The following SNTB2 variants were observed in gnomAD, a reference collection of about 807,000 sequenced individuals.
SNTB2 encodes syntrophin beta 2, also known as beta-2-syntrophin.
A neutral mutation model predicts 46.2 loss-of-function variants in SNTB2; 34 were observed. The observed-to-expected ratio is 0.74, with a 90% confidence interval of 0.56 to 0.98. The LOEUF is 0.98. Ranked by LOEUF, SNTB2 falls within the 50% of genes least tolerant of loss-of-function variation. SNTB2 has a pLI of 0.00. For missense variants in SNTB2, 603 were observed against 731.4 expected (o/e 0.82, Z 2.02); for synonymous variants, 290 against 312.6 (o/e 0.93, Z 0.76).
At position 69,305,105 on chromosome 16, in the gene SNTB2, A is replaced by G. The variant is rs1258874625; in HGVS notation, c.*4181A>G. On this transcript the variant is annotated 3_prime_UTR_variant, in exon 7 of 7. Transcript: ENST00000336278. The stretch of plus-strand genomic sequence containing the variant: ...AAGGTTATAATAGATTCTTTTTTTT[A>G]ATTTTGTGAGAAATTCCAGGTCTTC... The G allele has an allele frequency of 1.3e-5, 2 of 152,142 alleles. No homozygotes were observed. The highest frequency in any genetic ancestry group is 4.8e-5 in the African/African-American group (2 of 41,390). 9.4% of individuals were successfully genotyped at this position (152,142 alleles called of 1,614,324 possible).
intron 2 of SNTB2, among the ~76,000 whole-genome samples, chr16:69,253,362 T>C (rs1213780290): frequency 6.6e-6 from 1 of 151,920 alleles, no homozygotes; most frequent in Non-Finnish European, 1.5e-5. Context: ...AAAAAACTGG[T>C]TAACTGGCCG....
At chr16:69,209,652 T>A (rs1964259154) in intron 1 of SNTB2, among the ~76,000 whole-genome samples, 1 of 152,268 alleles carries the variant, frequency 6.6e-6, no homozygotes, top group Non-Finnish European at 1.5e-5. Context: ...CAGTAGCTCA[T>A]ATTTTAGTAG....
intron 1 of SNTB2, among the ~76,000 whole-genome samples, chr16:69,197,062 A>C (rs2095193432): frequency 2.0e-5 from 3 of 152,070 alleles, no homozygotes; most frequent in Admixed American, 1.3e-4. Context: ...GTAATTAATC[A>C]ACTCATATTG....
chr16:69,219,738 G>T (rs1412942014), intron 1 of SNTB2, among the ~76,000 whole-genome samples: 1 of 151,584 alleles, frequency 6.6e-6, no homozygotes, highest in Non-Finnish European at 1.5e-5. Flanking sequence ...GTTTTGTTTT[G>T]TTTTGTTTTG....
chr16:69,293,583 G>T (rs1965195046), intron 5 of SNTB2, among the ~76,000 whole-genome samples: 1 of 152,164 alleles, frequency 6.6e-6, no homozygotes, highest in Admixed American at 6.5e-5. Flanking sequence ...GCTCTTTCAA[G>T]AAGTTTTGAT....
intron 1 of SNTB2, among the ~76,000 whole-genome samples, chr16:69,205,316 ATTTTTT>A (rs34575541): frequency 6.9e-5 from 9 of 131,006 alleles, no homozygotes; most frequent in Admixed American, 1.6e-4. Context: ...CGCTTGGCAA[ATTTTTT>A]TTTTTTTTTT....
chr16:69,273,184 A>G (rs1488699331), intron 4 of SNTB2, among the ~76,000 whole-genome samples: 1 of 152,244 alleles, frequency 6.6e-6, no homozygotes. Flanking sequence ...GCAGTTTCTC[A>G]AAAGCTAAAC....
At chr16:69,270,645 C>T (rs1186674299) in intron 4 of SNTB2, among the ~76,000 whole-genome samples, 4 of 152,148 alleles carry the variant, frequency 2.6e-5, no homozygotes, top group East Asian at 1.9e-4. Context: ...GACTGAGTGA[C>T]GAAATCATTT....
In SNTB2 at chr16:69,260,223, G is replaced by T. The variant is rs1168219811; in HGVS notation, c.968G>T (p.Ser323Ile). 8.7e-6 allele frequency: 14 copies of T among 1,614,202 alleles called. No homozygotes were observed. Among genetic ancestry groups the T allele is most frequent in the Non-Finnish European group, 1.1e-5 (13 of 1,180,038 alleles). Residue 323 changes from serine (S) to isoleucine (I), a missense_variant, in exon 3 of 7, where the codon AGT (serine) becomes ATT (isoleucine). By Grantham distance (142) the Ser-to-Ile change is moderately radical (BLOSUM62 -2). This residue lies in a region of SNTB2 where 537 missense variants were observed against 692.4 expected (regional missense o/e 0.78). Coordinates refer to ENST00000336278, the MANE Select transcript of SNTB2 (RefSeq NM_006750.4). ...GGGGCAACCAGTACAGCAGGAGGCA[G>T]TAAAGAGGTGAAGCATATTGCCTGG... ...MLGATSTAGG[S>I]KEVKHIAWLA...
chr16:69,212,431 C>T (rs901828435), intron 1 of SNTB2, among the ~76,000 whole-genome samples: 7 of 151,638 alleles, frequency 4.6e-5, no homozygotes, highest in East Asian at 1.9e-4. Context: ...CTCTGCCTCC[C>T]GGGTTCAAGC....
At chr16:69,195,138 A>G (rs913307126) in intron 1 of SNTB2, among the ~76,000 whole-genome samples, 1 of 152,230 alleles carries the variant, frequency 6.6e-6, no homozygotes, top group Non-Finnish European at 1.5e-5. Flanking sequence ...GTAGAACAAC[A>G]AAAGTATATA....
At chr16:69,252,437 A>G (rs1307837439) in intron 2 of SNTB2, among the ~76,000 whole-genome samples, 3 of 152,204 alleles carry the variant, frequency 2.0e-5, no homozygotes, top group African/African-American at 4.8e-5. Flanking sequence ...GGCAGTGTGA[A>G]GTTTAGGAAG....
chr16:69,295,689 C>G (rs1965216780), intron 5 of SNTB2, among the ~76,000 whole-genome samples: 1 of 148,884 alleles, frequency 6.7e-6, no homozygotes, highest in Admixed American at 6.7e-5. Context: ...GCTATCCCGT[C>G]AGAAAAGGGC....
intron 2 of SNTB2, among the ~76,000 whole-genome samples, chr16:69,251,468 TAAAAAAAAAA>T (rs71148976): frequency 9.4e-6 from 1 of 106,130 alleles, no homozygotes; most frequent in Non-Finnish European, 1.9e-5. Context: ...ATGTTTAGTT[TAAAAAAAAAA>T]AAAAAAAAAA....
Position 69,267,812 on chromosome 16 carries a change from G to C in SNTB2, c.1006-2331G>C, listed in dbSNP as rs902817670. Among the ~76,000 whole-genome samples the C allele has an allele frequency of 4.7e-4, 72 of 152,162 alleles. 1 individual carries two copies. Among genetic ancestry groups the C allele is most frequent in the African/African-American group, 1.6e-3 (66 of 41,432 alleles). On this transcript the variant is annotated intron_variant, in intron 3 of 6. Coordinates refer to ENST00000336278, the MANE Select transcript of SNTB2 (RefSeq NM_006750.4). Reference sequence around the variant, plus strand: ...GATGTAAGGTTCTCTGTCATGTCCAGATTACCTTCAGAAGTCTTTAAGGAA... The same window carrying C: ...GATGTAAGGTTCTCTGTCATGTCCACATTACCTTCAGAAGTCTTTAAGGAA...
chr16:69,187,801 A>G (rs1463354277), intron 1 of SNTB2, 55 bp downstream of exon 1: 3 of 1,321,628 alleles, frequency 2.3e-6, no homozygotes, highest in Non-Finnish European at 2.0e-6. Flanking sequence ...GGCTCGCGGG[A>G]GCTCACTTTG....
At chr16:69,241,056 C>T (rs1468961406) in intron 1 of SNTB2, among the ~76,000 whole-genome samples, 2 of 150,404 alleles carry the variant, frequency 1.3e-5, no homozygotes, top group South Asian at 2.1e-4. Flanking sequence ...GATGGACTTT[C>T]GCCATGTTGG....
At chr16:69,204,879 C>T (rs1829379475) in intron 1 of SNTB2, among the ~76,000 whole-genome samples, 1 of 152,168 alleles carries the variant, frequency 6.6e-6, no homozygotes, top group African/African-American at 2.4e-5. Flanking sequence ...GGTGAATGCA[C>T]TCATGGAAGT....
intron 1 of SNTB2, among the ~76,000 whole-genome samples, chr16:69,209,521 C>G (rs1964257905): frequency 6.6e-6 from 1 of 152,090 alleles, no homozygotes; most frequent in Non-Finnish European, 1.5e-5. Flanking sequence ...GGTAATTCAA[C>G]CAGTATTTAA....
Sources: gnomAD v4.1 joint callset for allele counts (sites outside exome capture counted in the v4.1 genomes callset) on GRCh38, gnomAD v4.1.1 for gene constraint, gnomAD v4.1.1 regional missense constraint, MANE v1.5 for transcripts, NCBI Gene and HGNC (gene_info 2026-07-23, HGNC 2026-07-21) for gene names.